Variants in TOX3 observed in about 807,000 individuals in gnomAD.
The protein encoded by TOX3 is CAG trinucleotide repeat-containing gene F9 protein.
A neutral mutation model predicts 64.3 loss-of-function variants in TOX3; 22 were observed. The observed-to-expected ratio is 0.34, with a 90% CI of 0.24 to 0.49. The LOEUF (loss-of-function observed/expected upper bound fraction) is 0.49, where lower values mean the gene tolerates loss of function less well. TOX3 is among the 20% of genes least tolerant of loss of function. TOX3 has a pLI of 0.99. For synonymous variants in TOX3, 291 were observed against 273.6 expected (o/e 1.06, Z -0.63); for missense variants, 661 against 714.4 (o/e 0.93, Z 0.85).
chr16:52,444,251 C>T (rs778572854), intron 6 of TOX3, 25 bp downstream of exon 6: 2 of 1,516,208 alleles, frequency 1.3e-6, no homozygotes, highest in East Asian at 2.4e-5. Context: ...TATTTTGGAG[C>T]CTGGCCGCCC....
At chr16:52,447,956 C>CT (rs1351027777) in intron 4 of TOX3, among the ~76,000 whole-genome samples, 1 of 152,128 alleles carries the variant, frequency 6.6e-6, no homozygotes, top group African/African-American at 2.4e-5. Flanking sequence ...TCCAGAGTAG[C>CT]TTTTTTTCCA....
rs1959833062 is a variant in TOX3 at position 52,438,837 on chromosome 16, C to A, written c.*388G>T. 2 of 469,900 alleles carry A rather than the reference C, an allele frequency of 4.3e-6. No individual in the cohort carries two copies. The highest frequency in any genetic ancestry group is 2.0e-5 in the African/African-American group (1 of 49,868). 29.1% of individuals were successfully genotyped at this position (469,900 alleles called of 1,614,324 possible). A position where few individuals can be genotyped will look rare whatever the true frequency, so the allele number is the denominator to read the frequency against. On this transcript the variant is annotated 3_prime_UTR_variant, in exon 7 of 7. Transcript: ENST00000219746. ...TTTAGGGCTTCAGGAGTTCAGATAG[C>A]CTGGAAGTGTGGTTTACTCACTTCT...
At chr16:52,467,065 C>T (rs1018980107) in intron 2 of TOX3, among the ~76,000 whole-genome samples, 2 of 152,152 alleles carry the variant, frequency 1.3e-5, no homozygotes, top group Admixed American at 1.3e-4. Flanking sequence ...GTAGTATGTA[C>T]ATGGTTAAAT....
At chr16:52,448,675 C>T (rs1357376066) in intron 4 of TOX3, among the ~76,000 whole-genome samples, 3 of 152,172 alleles carry the variant, frequency 2.0e-5, no homozygotes, top group Non-Finnish European at 4.4e-5. Flanking sequence ...TTAATCTTCT[C>T]TAGCTCCTCT....
Position 52,439,328 on chromosome 16 carries a change from G to A in TOX3, c.1628C>T (p.Pro543Leu), listed in dbSNP as rs1959858797. ...HSPVASQITSPIPAIGSPQPA... is the reference protein window; with the variant it reads ...HSPVASQITSLIPAIGSPQPA... Reference sequence around the variant, plus strand: ...CTGGGGGCTCCCGATGGCAGGGATGGGGGATGTTATCTGAGAGGCGACAGG... The same window carrying A: ...CTGGGGGCTCCCGATGGCAGGGATGAGGGATGTTATCTGAGAGGCGACAGG... The change falls in exon 7 of 7, where the codon CCC becomes CTC. Residue 543 changes from proline (P) to leucine (L), a missense_variant. This residue lies in a region of TOX3 where 299 missense variants were observed against 292.1 expected (regional missense o/e 1.02). Coordinates refer to ENST00000219746, the MANE Select transcript of TOX3 (RefSeq NM_001080430.4). 1.9e-6 allele frequency: 3 copies of A among 1,613,344 alleles called. No homozygotes were observed. Among genetic ancestry groups the A allele is most frequent in the Admixed American group, 1.7e-5 (1 of 59,954 alleles).
intron 3 of TOX3, among the ~76,000 whole-genome samples, chr16:52,452,561 G>C (rs1300223553): frequency 6.6e-6 from 1 of 151,998 alleles, no homozygotes; most frequent in East Asian, 1.9e-4. Context: ...GATAGCATTA[G>C]GAGATATACC....
chr16:52,482,845 C>T lies in TOX3; in HGVS notation c.88-14271G>A, dbSNP rs1401645708. On this transcript the variant is annotated intron_variant, in intron 1 of 6. Coordinates refer to ENST00000219746, the MANE Select transcript of TOX3 (RefSeq NM_001080430.4). Reference sequence around the variant, plus strand: ...TATATATGGCACACAGGAAAAATTACTACACATTCCACAGTGCTGGTTAAT... The same window carrying T: ...TATATATGGCACACAGGAAAAATTATTACACATTCCACAGTGCTGGTTAAT... Among the ~76,000 whole-genome samples the T allele has an allele frequency of 2.0e-5, 3 of 152,172 alleles. No homozygotes were observed. In the East Asian group the frequency reaches 5.8e-4, roughly 29 times the overall value.
chr16:52,492,898 CAA>C (rs71777089), intron 1 of TOX3, among the ~76,000 whole-genome samples: 193 of 132,494 alleles, frequency 1.5e-3, no homozygotes, highest in Non-Finnish European at 1.6e-3. Context: ...AACCCAACTG[CAA>C]AAAAAAAAAA....
Position 52,436,580 on chromosome 16 carries a change from G to A in TOX3, c.*2645C>T, listed in dbSNP as rs1193011215. ...CCTGAAAACAATAATTTGGTAACAA[G>A]GTTGAGGAATTCTTTTCATGATTCA... is the stretch of plus-strand genomic sequence containing the variant. On this transcript the variant is annotated 3_prime_UTR_variant, in exon 7 of 7. Transcript: ENST00000219746. Among the ~76,000 whole-genome samples, 1 of 152,106 alleles carries A rather than the reference G, an allele frequency of 6.6e-6. No homozygotes were observed.
At chr16:52,495,749 G>A (rs1470427344) in intron 1 of TOX3, among the ~76,000 whole-genome samples, 1 of 152,070 alleles carries the variant, frequency 6.6e-6, no homozygotes, top group African/African-American at 2.4e-5. Flanking sequence ...CTTCCACTAG[G>A]CACTTGATCC....
intron 1 of TOX3, among the ~76,000 whole-genome samples, chr16:52,472,392 T>G (rs1030699742): frequency 2.2e-4 from 34 of 152,200 alleles, no homozygotes; most frequent in African/African-American, 8.0e-4. Context: ...GAAGGCTTGT[T>G]CTAAGCCCTT....
At chr16:52,450,646 A>G in intron 3 of TOX3, 100 bp from the exon 4 acceptor site, 1 of 1,456,400 alleles carries the variant, frequency 6.9e-7, no homozygotes. Context: ...AACTGTTGCA[A>G]TGTTGATAGG....
At chr16:52,508,656 A>G (rs1962223681) in intron 1 of TOX3, among the ~76,000 whole-genome samples, 1 of 152,158 alleles carries the variant, frequency 6.6e-6, no homozygotes, top group African/African-American at 2.4e-5. Context: ...AGAAAAAACA[A>G]GGGAATAATA....
chr16:52,503,132 T>G (rs577179894), intron 1 of TOX3, among the ~76,000 whole-genome samples: 1 of 152,236 alleles, frequency 6.6e-6, no homozygotes, highest in African/African-American at 2.4e-5. Flanking sequence ...TACCTTTTTT[T>G]AAAAGATGAT....
chr16:52,545,281 G>A (rs1324363089), intron 1 of TOX3, among the ~76,000 whole-genome samples: 1 of 152,204 alleles, frequency 6.6e-6, no homozygotes, highest in African/African-American at 2.4e-5. Context: ...TAAAGCACAC[G>A]GAATAAAGTC....
In TOX3 at chr16:52,450,524, G is replaced by A. The variant is rs751601017; in HGVS notation, c.431C>T (p.Ser144Phe). ...LHMDQSHTQVSQYRQDPSLIM... is the reference protein window; with the variant it reads ...LHMDQSHTQVFQYRQDPSLIM... ...CAGGGAGGGATCCTGCCGGTACTGG[G>A]ACACTTGTGTGTGGCTCTGATCCTA... Residue 144 changes from serine (S) to phenylalanine (F), a missense_variant, in exon 4 of 7, where the codon TCC becomes TTC. Ser to Phe is a radical substitution (Grantham distance 155, BLOSUM62 -2). This residue lies in a region of TOX3 where 259 missense variants were observed against 261.2 expected (regional missense o/e 0.99). Transcript: ENST00000219746. 4.4e-5 allele frequency: 71 copies of A among 1,613,918 alleles called. No individual in the cohort carries two copies. The highest frequency in any genetic ancestry group is 5.6e-5 in the Non-Finnish European group (66 of 1,179,904).
Position 52,450,262 on chromosome 16 carries a change from G to A in TOX3, c.678+15C>T, listed in dbSNP as rs760024158. 11 of 1,613,780 alleles carry A rather than the reference G, an allele frequency of 6.8e-6. No homozygotes were observed. The highest frequency in any genetic ancestry group is 9.3e-6 in the Non-Finnish European group (11 of 1,179,810). On this transcript the variant is annotated intron_variant, in intron 4 of 6. Coordinates refer to ENST00000219746, the MANE Select transcript of TOX3 (RefSeq NM_001080430.4). ...ATTCTCTGGCAGGTTACACACTAAGGCAGTTCTAACTTACTCTGTTGGCTT... is the reference window on the plus strand; with the variant it reads ...ATTCTCTGGCAGGTTACACACTAAGACAGTTCTAACTTACTCTGTTGGCTT...
At chr16:52,484,569 T>C (rs1333263667) in intron 1 of TOX3, among the ~76,000 whole-genome samples, 1 of 152,230 alleles carries the variant, frequency 6.6e-6, no homozygotes, top group African/African-American at 2.4e-5. Flanking sequence ...TTGATTCATT[T>C]ACTCATTCTT....
At chr16:52,505,427 G>A (rs183643450) in intron 1 of TOX3, among the ~76,000 whole-genome samples, 48 of 152,290 alleles carry the variant, frequency 3.2e-4, no homozygotes, top group Admixed American at 7.2e-4. Context: ...AATAAACTCT[G>A]AATGCCAGAG....
Sources: gnomAD v4.1 joint callset for allele counts (sites outside exome capture counted in the v4.1 genomes callset) on GRCh38, gnomAD v4.1.1 for gene constraint, gnomAD v4.1.1 regional missense constraint, MANE v1.5 for transcripts, NCBI Gene and HGNC (gene_info 2026-07-23, HGNC 2026-07-21) for gene names.